Variants in NAP1L1 observed in about 807,000 individuals in gnomAD.
NAP1L1 encodes nucleosome assembly protein 1 like 1, also known as nucleosome assembly protein 1-like 1.
Under a neutral mutation model 58.9 loss-of-function variants are expected in NAP1L1, and 9 were observed. The ratio of observed to expected loss-of-function variants is 0.15; its 90% CI spans 0.09 to 0.27. The LOEUF (loss-of-function observed/expected upper bound fraction) is 0.27. Among genes scored for constraint, NAP1L1 ranks in the 10% least tolerant of loss-of-function variants. The pLI is 1.00. For synonymous variants in NAP1L1, 130 were observed against 138.3 expected (o/e 0.94, Z 0.42); for missense variants, 302 against 458.8 (o/e 0.66, Z 3.12).
chr12:76,058,025 T>C (rs1184819633), intron 6 of NAP1L1: 1 of 797,132 alleles, frequency 1.3e-6, no homozygotes, highest in Non-Finnish European at 2.3e-6. Context: ...AGGATGAAAT[T>C]ATCATTCAAG....
intron 2 of NAP1L1, among the ~76,000 whole-genome samples, chr12:76,072,115 C>A (rs1378679181): frequency 6.6e-6 from 1 of 150,710 alleles, no homozygotes; most frequent in African/African-American, 2.4e-5. Context: ...AGTGTCCCTA[C>A]ACCCCACCCA....
intron 4 of NAP1L1, chr12:76,061,046 T>C: frequency 2.2e-6 from 1 of 445,766 alleles, no homozygotes; most frequent in Non-Finnish European, 4.5e-6. Flanking sequence ...TGAGCAAGAT[T>C]GCACCACCAC....
chr12:76,075,068 G>A (rs75354731), intron 1 of NAP1L1, among the ~76,000 whole-genome samples: 9,668 of 152,238 alleles, frequency 0.064, 401 homozygotes, highest in East Asian at 0.091. Flanking sequence ...AAGCAGATGT[G>A]TTATATCCAG....
In NAP1L1 at chr12:76,036,792, G is replaced by C. The variant is rs1324729307; in HGVS notation, c.*11637C>G. Reference sequence around the variant, plus strand: ...CATCAGGGTATAAAAGATAACCAAGGCTGGGCGCGGTGGCTCACGCCTGTA... The same window carrying C: ...CATCAGGGTATAAAAGATAACCAAGCCTGGGCGCGGTGGCTCACGCCTGTA... On this transcript the variant is annotated 3_prime_UTR_variant, in exon 15 of 15. Coordinates refer to ENST00000618691, the MANE Select transcript of NAP1L1 (RefSeq NM_004537.7). 2 of 152,132 alleles carry C rather than the reference G, an allele frequency of 1.3e-5. No homozygotes were observed. Among genetic ancestry groups the C allele is most frequent in the African/African-American group, 4.8e-5 (2 of 41,418 alleles). 9.4% of individuals were successfully genotyped at this position (152,132 alleles called of 1,614,324 possible). A position where few individuals can be genotyped will look rare whatever the true frequency, so the allele number is the denominator to read the frequency against.
At chr12:76,053,706 T>A in intron 9 of NAP1L1, 64 bp downstream of exon 9, 1 of 1,543,800 alleles carries the variant, frequency 6.5e-7, no homozygotes, top group Admixed American at 1.9e-5. Context: ...AATAACCGAG[T>A]ATACAAATCA....
chr12:76,054,257 G>A (rs1422961595), intron 8 of NAP1L1, among the ~76,000 whole-genome samples: 2 of 148,890 alleles, frequency 1.3e-5, no homozygotes, highest in Admixed American at 6.7e-5. Context: ...ATTGACCTCC[G>A]GACCTCAAGT....
chr12:76,082,753 T>A (rs1950457491), intron 1 of NAP1L1, among the ~76,000 whole-genome samples: 1 of 152,202 alleles, frequency 6.6e-6, no homozygotes, highest in Non-Finnish European at 1.5e-5. Flanking sequence ...TTCCCTTCGA[T>A]TTTTAAATGG....
chr12:76,063,737 G>A (rs1265711277), intron 4 of NAP1L1, among the ~76,000 whole-genome samples: 2 of 151,970 alleles, frequency 1.3e-5, no homozygotes, highest in East Asian at 3.9e-4. Context: ...TGAGGCTGCA[G>A]TGAGCCGTCA....
At chr12:76,064,583 G>A (rs1949576944) in intron 4 of NAP1L1, among the ~76,000 whole-genome samples, 1 of 151,958 alleles carries the variant, frequency 6.6e-6, no homozygotes, top group Non-Finnish European at 1.5e-5. Context: ...AGACAGTATG[G>A]AAAAGGAAAA....
At chr12:76,048,506 T>C in intron 14 of NAP1L1, 42 bp from the exon 15 acceptor site, 2 of 1,606,592 alleles carry the variant, frequency 1.2e-6, no homozygotes, top group Non-Finnish European at 1.7e-6. Flanking sequence ...TTCTTCTACC[T>C]GCTTCAGTGA....
At chr12:76,067,544 C>T (rs1949738920) in intron 3 of NAP1L1, 71 bp from the exon 4 acceptor site, 1 of 1,257,598 alleles carries the variant, frequency 8.0e-7, no homozygotes, top group Non-Finnish European at 1.1e-6. Flanking sequence ...TAGGACAATC[C>T]AATCTCATGA....
intron 3 of NAP1L1, 111 bp from the exon 4 acceptor site, chr12:76,067,584 G>T (rs1949740454): frequency 3.9e-6 from 3 of 774,738 alleles, no homozygotes; most frequent in South Asian, 3.5e-5. Flanking sequence ...TAAATTGCTG[G>T]TATATCTAAT....
At chr12:76,082,459 G>T (rs929013833) in intron 1 of NAP1L1, among the ~76,000 whole-genome samples, 2 of 152,134 alleles carry the variant, frequency 1.3e-5, no homozygotes, top group Admixed American at 1.3e-4. Context: ...ATAAAAATAG[G>T]CACTTTGTAG....
At chr12:76,077,771 C>T (rs763132544) in intron 1 of NAP1L1, among the ~76,000 whole-genome samples, 22 of 151,736 alleles carry the variant, frequency 1.4e-4, no homozygotes, top group Non-Finnish European at 2.6e-4. Context: ...ATTGCCTGAG[C>T]TTAGGAGTTA....
chr12:76,065,040 C>T (rs933854487), intron 4 of NAP1L1, among the ~76,000 whole-genome samples: 3 of 152,068 alleles, frequency 2.0e-5, no homozygotes, highest in Admixed American at 6.5e-5. Context: ...CATGCATGCA[C>T]ACAACACAAG....
Position 76,048,128 on chromosome 12 carries a change from AACAGTTGTTAATTTTCATAGC to A in NAP1L1, c.*280_*300del. 2.8e-6 allele frequency: 1 copy of A among 362,682 alleles called. No individual in the cohort carries two copies. Among genetic ancestry groups the A allele is most frequent in the Non-Finnish European group, 4.9e-6 (1 of 202,984 alleles). The allele number at this position is 362,682 out of a possible 1,614,324, so 22.5% of individuals were successfully genotyped here. A position where few individuals can be genotyped will look rare whatever the true frequency, so the allele number is the denominator to read the frequency against. ...AAAAAAAAAAAAAGGTATTTCCTTT[AACAGTTGTTAATTTTCATAGC>A]TGTACTCCAAGAGCTACATAAAAAT... On this transcript the variant is annotated 3_prime_UTR_variant, in exon 15 of 15. Transcript: ENST00000618691.
Position 76,041,994 on chromosome 12 carries a change from A to G in NAP1L1, c.*6435T>C, listed in dbSNP as rs1341262123. ...AGCATATGAAAACACATGTATTAAA[A>G]TAAAACAAGAAAGGAATGAGATGAG... On this transcript the variant is annotated 3_prime_UTR_variant, in exon 15 of 15. Coordinates refer to ENST00000618691, the MANE Select transcript of NAP1L1 (RefSeq NM_004537.7). The G allele has an allele frequency of 6.6e-6, 1 of 152,240 alleles. No individual in the cohort carries two copies. The highest frequency in any genetic ancestry group is 1.5e-5 in the Non-Finnish European group (1 of 68,044). 9.4% of individuals were successfully genotyped at this position (152,240 alleles called of 1,614,324 possible).
intron 2 of NAP1L1, among the ~76,000 whole-genome samples, chr12:76,071,105 T>C (rs907439712): frequency 2.0e-5 from 3 of 152,216 alleles, no homozygotes; most frequent in African/African-American, 7.2e-5. Context: ...ATATTTTCCA[T>C]CTGCAGTTGG....
At chr12:76,067,339 A>C in intron 4 of NAP1L1, 32 bp downstream of exon 4, 1 of 1,511,610 alleles carries the variant, frequency 6.6e-7, no homozygotes. Flanking sequence ...TTGATTATAG[A>C]AAGATAAATA....
Sources: gnomAD v4.1 joint callset for allele counts (sites outside exome capture counted in the v4.1 genomes callset) on GRCh38, gnomAD v4.1.1 for gene constraint, MANE v1.5 for transcripts, NCBI Gene and HGNC (gene_info 2026-07-23, HGNC 2026-07-21) for gene names.